The following ACE variants were observed in gnomAD, a reference collection of about 807,000 sequenced individuals.
The protein encoded by ACE is angiotensin-converting enzyme.
Under a neutral mutation model 162.3 loss-of-function variants are expected in ACE, and 122 were observed. The ratio of observed to expected loss-of-function variants is 0.75; its 90% CI spans 0.65 to 0.87. The LOEUF is 0.87. Among genes scored for constraint, ACE ranks in the 40% least tolerant of loss-of-function variants. The probability of loss-of-function intolerance (pLI) is 0.00; values close to 1 mark genes in which losing one functional copy is unlikely to be tolerated. For synonymous variants in ACE, 796 were observed against 720.6 expected, an observed-to-expected ratio of 1.10 and a Z score of -1.68; for missense variants, 1,799 against 1,735.1, an observed-to-expected ratio of 1.04 and a Z score of -0.65.
chr17:63,481,040 G>A lies in ACE; in HGVS notation c.848-51G>A. On this transcript the variant is annotated intron_variant, in intron 5 of 24. Transcript: ENST00000290866. ...GTGCCACTCAGCGATGCATGAAGAA[G>A]CAGGCACAGCCAGGCAGGGAGCCAA... The A allele has an allele frequency of 2.6e-6, 4 of 1,568,508 alleles. No individual in the cohort carries two copies. In the South Asian group the frequency reaches 4.4e-5, roughly 17 times the overall value.
At chr17:63,483,379 T>C (rs931609652) in intron 9 of ACE, 81 bp from the exon 10 acceptor site, 1 of 1,480,582 alleles carries the variant, frequency 6.8e-7, no homozygotes, top group African/African-American at 1.4e-5. Flanking sequence ...GGTTGCCGGG[T>C]GGAAATGCCT....
In ACE at chr17:63,488,842, CAA is replaced by C. The variant is rs764472649; in HGVS notation, c.2449+53_2449+54del. ...GGCACTTGGGTCCCTTCATTTTCCT[CAA>C]AGAGGTGCTGTGAAACCCCAAGCCT... is the stretch of plus-strand genomic sequence containing the variant. On this transcript the variant is annotated intron_variant, in intron 16 of 24. Coordinates refer to ENST00000290866, the MANE Select transcript of ACE (RefSeq NM_000789.4). 8.7e-6 allele frequency: 14 copies of C among 1,613,832 alleles called. No individual in the cohort carries two copies. In the African/African-American group the frequency reaches 1.3e-4, roughly 15 times the overall value.
At chr17:63,490,598 G>A (rs1048165618) in intron 17 of ACE, 24 of 359,486 alleles carry the variant, frequency 6.7e-5, no homozygotes, top group Non-Finnish European at 1.1e-5. Flanking sequence ...AATGTTCTTG[G>A]TGCAGAGCCA....
At position 63,481,715 on chromosome 17, in the gene ACE, C is replaced by T. The variant is rs1257546479; in HGVS notation, c.1095C>T (p.Asp365=). The T allele has an allele frequency of 1.9e-6, 3 of 1,614,022 alleles. No homozygotes were observed. The highest frequency in any genetic ancestry group is 2.2e-5 in the South Asian group (2 of 91,092). Residue 365 remains aspartate, a synonymous_variant, in exon 7 of 25, where the codon GAC becomes GAT. Transcript: ENST00000290866. The part of the protein sequence containing the change: ...REVVCHASAW[D]FYNRKDFRIK... The stretch of plus-strand genomic sequence containing the variant: ...TGGTGTGCCACGCCTCGGCTTGGGA[C>T]TTCTACAACAGGAAAGACTTCAGGT...
rs114516454 is a variant in ACE, at chr17:63,491,675, G to A, written c.2912+294G>A. On this transcript the variant is annotated intron_variant, in intron 19 of 24. Coordinates refer to ENST00000290866, the MANE Select transcript of ACE (RefSeq NM_000789.4). This position sits in a 1 kb window ranked among gnomAD's most constrained non-coding sequence, Gnocchi z 4.4. Reference sequence around the variant, plus strand: ...GGCTGCCCCGCGTCCCTCCTTGGGAGCAGCCCCTGCATGGAGCTGGCCTCT... The same window carrying A: ...GGCTGCCCCGCGTCCCTCCTTGGGAACAGCCCCTGCATGGAGCTGGCCTCT... Among the ~76,000 whole-genome samples the A allele has an allele frequency of 8.1e-4, 123 of 152,272 alleles. No homozygotes were observed. The highest frequency in any genetic ancestry group is 2.9e-3 in the African/African-American group (122 of 41,574).
chr17:63,478,512 AT>A, intron 2 of ACE: 1 of 304,700 alleles, frequency 3.3e-6, no homozygotes, highest in Non-Finnish European at 6.4e-6. Flanking sequence ...CAAAAAAAAA[AT>A]AGCTGGGCTT....
In ACE at chr17:63,494,451, T is replaced by TTA; in HGVS notation, c.3361_3362insTA (p.Ser1121LeufsTer52). The TTA allele has an allele frequency of 3.7e-6, 6 of 1,614,000 alleles. No homozygotes were observed. Among genetic ancestry groups the TTA allele is most frequent in the Non-Finnish European group, 5.1e-6 (6 of 1,179,950 alleles). Reference sequence around the variant, plus strand: ...CCCAGGGGCCAAGTTCCACATTCCTTCTAGCGTGCCTTACATCAGGTAACG... The same window carrying TTA: ...CCCAGGGGCCAAGTTCCACATTCCTTTACTAGCGTGCCTTACATCAGGTAACG... On this transcript the variant is annotated frameshift_variant, in exon 22 of 25. Coordinates refer to ENST00000290866, the MANE Select transcript of ACE (RefSeq NM_000789.4). LOFTEE classifies it high-confidence loss of function.
In ACE at chr17:63,483,993, G is replaced by A. The variant is rs764673636; in HGVS notation, c.1709+22G>A. 29 of 1,604,992 alleles carry A rather than the reference G, an allele frequency of 1.8e-5. 1 individual carries two copies. The highest frequency in any genetic ancestry group is 1.7e-4 in the Middle Eastern group (1 of 5,878). On this transcript the variant is annotated intron_variant, in intron 11 of 24. Coordinates refer to ENST00000290866, the MANE Select transcript of ACE (RefSeq NM_000789.4). ...TCCGGTGTGTGGTGGGAAGCCGGGGGAAGTGGGAGGCAGAGAGGAGCGGCT... is the reference window on the plus strand; with the variant it reads ...TCCGGTGTGTGGTGGGAAGCCGGGGAAAGTGGGAGGCAGAGAGGAGCGGCT...
chr17:63,493,833 C>T (rs2030549090), intron 20 of ACE, 89 bp from the exon 21 acceptor site: 4 of 1,593,812 alleles, frequency 2.5e-6, no homozygotes, highest in East Asian at 2.2e-5. Context: ...CCAAAAGGTA[C>T]AGCACCCCCA....
In ACE at chr17:63,477,090, G is replaced by A. The variant is rs1047197408; in HGVS notation, c.-5G>A. On this transcript the variant is annotated 5_prime_UTR_variant, in exon 1 of 25. Transcript: ENST00000290866. ...GGGGCAGAGCCGAGCACCGCGCACCGCGTCATGGGGGCCGCCTCGGGCCGC... is the reference window on the plus strand; with the variant it reads ...GGGGCAGAGCCGAGCACCGCGCACCACGTCATGGGGGCCGCCTCGGGCCGC... 2.3e-6 allele frequency: 3 copies of A among 1,304,204 alleles called. No homozygotes were observed. The highest frequency in any genetic ancestry group is 2.9e-6 in the Non-Finnish European group (3 of 1,034,106). The allele number at this position is 1,304,204 out of a possible 1,614,324, so 80.8% of individuals were successfully genotyped here.
rs1450198005 is a variant in ACE, at chr17:63,484,394, G to A, written c.1774G>A (p.Asp592Asn). The A allele has an allele frequency of 4.3e-6, 7 of 1,611,850 alleles. 1 individual carries two copies. In the Admixed American group the frequency reaches 8.3e-5, roughly 19 times the overall value. ...QEVLKDMVGL[D>N]ALDAQPLLKY... is the part of the protein sequence containing the mutation. ...GGTGCTGAAGGACATGGTCGGCTTA[G>A]ATGCCCTGGATGCCCAGCCGCTGCT... The change falls in exon 12 of 25, where the codon GAT (aspartate) becomes AAT (asparagine). Residue 592 changes from aspartate (D) to asparagine (N), a missense_variant. Asp to Asn is a conservative substitution (Grantham distance 23). Coordinates refer to ENST00000290866, the MANE Select transcript of ACE (RefSeq NM_000789.4). This position sits in a 1 kb window ranked among gnomAD's most constrained non-coding sequence, Gnocchi z 4.0.
rs373970727 is a variant in ACE, at chr17:63,488,723, C to T, written c.2381C>T (p.Ala794Val). Residue 794 changes from alanine (A) to valine (V), a missense_variant, in exon 16 of 25, where the codon GCG (alanine) becomes GTG (valine). By Grantham distance (64) the Ala-to-Val change is moderately conservative. Transcript: ENST00000290866. ...LWAWEGWRDK[A>V]GRAILQFYPK... ...GCATGGGAGGGCTGGCGAGACAAGG[C>T]GGGGAGAGCCATCCTCCAGTTTTAC... is the stretch of plus-strand genomic sequence containing the variant. The T allele has an allele frequency of 2.5e-5, 41 of 1,613,488 alleles. No individual in the cohort carries two copies. Among genetic ancestry groups the T allele is most frequent in the Middle Eastern group, 1.6e-4 (1 of 6,084 alleles).
intron 17 of ACE, among the ~76,000 whole-genome samples, chr17:63,489,435 A>T (rs1341052603): frequency 6.6e-6 from 1 of 152,184 alleles, no homozygotes; most frequent in African/African-American, 2.4e-5. Context: ...TTAGAGGGCG[A>T]GGAAGAGGCT....
In ACE at chr17:63,497,648, C is replaced by CCAGGGA; in HGVS notation, c.*293_*298dup. 1.6e-6 allele frequency: 1 copy of CCAGGGA among 642,196 alleles called. No homozygotes were observed. Among genetic ancestry groups the CCAGGGA allele is most frequent in the Non-Finnish European group, 2.9e-6 (1 of 348,028 alleles). The allele number at this position is 642,196 out of a possible 1,614,324, so 39.8% of individuals were successfully genotyped here. A position where few individuals can be genotyped will look rare whatever the true frequency, so the allele number is the denominator to read the frequency against. On this transcript the variant is annotated 3_prime_UTR_variant, in exon 25 of 25. Transcript: ENST00000290866. ...TGAGTCTGTGTCCCTCACAGGGAAG[C>CCAGGGA]CAGGGACAGGGACAGGCTGCTTTCC...
chr17:63,486,746 G>T, intron 14 of ACE, 31 bp downstream of exon 14: 1 of 1,613,920 alleles, frequency 6.2e-7, no homozygotes, highest in Non-Finnish European at 8.5e-7. Flanking sequence ...AGGGAGAGGG[G>T]AATCCTGGGG....
At position 63,498,319 on chromosome 17, in the gene ACE, T is replaced by A. The variant is rs1217558317; in HGVS notation, c.*953T>A. On this transcript the variant is annotated 3_prime_UTR_variant, in exon 25 of 25. Coordinates refer to ENST00000290866, the MANE Select transcript of ACE (RefSeq NM_000789.4). Reference sequence around the variant, plus strand: ...TTTTATGTGTATGTTTATGTAGAAATTTGGAAAATACAGAAAACTGTAAAG... The same window carrying A: ...TTTTATGTGTATGTTTATGTAGAAAATTGGAAAATACAGAAAACTGTAAAG... 5.3e-5 allele frequency: 8 copies of A among 152,150 alleles called. No individual in the cohort carries two copies. The highest frequency in any genetic ancestry group is 1.7e-4 in the African/African-American group (7 of 41,434). The allele number at this position is 152,150 out of a possible 1,614,324, so 9.4% of individuals were successfully genotyped here. A position where few individuals can be genotyped will look rare whatever the true frequency, so the allele number is the denominator to read the frequency against.
Position 63,481,684 on chromosome 17 carries a change from G to C in ACE, c.1064G>C (p.Arg355Pro). The C allele has an allele frequency of 6.2e-7, 1 of 1,614,184 alleles. No individual in the cohort carries two copies. Among genetic ancestry groups the C allele is most frequent in the Non-Finnish European group, 8.5e-7 (1 of 1,180,026 alleles). ...ATGCTGGAGAAGCCGGCCGACGGGC[G>C]GGAAGTGGTGTGCCACGCCTCGGCT... ...GSMLEKPADG[R>P]EVVCHASAWD... is the part of the protein sequence containing the mutation. Residue 355 changes from arginine (R) to proline (P), a missense_variant, in exon 7 of 25, where the codon CGG (arginine) becomes CCG (proline). Transcript: ENST00000290866.
intron 22 of ACE, 72 bp from the exon 23 acceptor site, chr17:63,496,322 A>G (rs1225978418): frequency 1.9e-6 from 3 of 1,609,474 alleles, no homozygotes; most frequent in Non-Finnish European, 2.5e-6. Context: ...TGATGTGCAG[A>G]AGGGCCTGGG....
chr17:63,486,833 C>T (rs1217764204), intron 14 of ACE, 118 bp downstream of exon 14: 1 of 1,500,248 alleles, frequency 6.7e-7, no homozygotes, highest in African/African-American at 1.4e-5. Context: ...ATGGCATCTG[C>T]CATGCGATGT....
Sources: allele counts gnomAD v4.1 joint callset (sites outside exome capture counted in the v4.1 genomes callset), GRCh38; gene constraint gnomAD v4.1.1; non-coding constraint Gnocchi (gnomAD v3.1); transcripts MANE v1.5; gene names NCBI Gene and HGNC (gene_info 2026-07-23, HGNC 2026-07-21).